Variants in RASGRP1 observed in about 807,000 individuals in gnomAD.
RASGRP1 encodes the protein RAS guanyl releasing protein 1, also known as RAS guanyl-releasing protein 1.
Under a neutral mutation model 95.1 loss-of-function variants are expected in RASGRP1, and 37 were observed. That is an observed-to-expected ratio of 0.39 (90% CI 0.30 to 0.51). The LOEUF is 0.51. Among genes scored for constraint, RASGRP1 ranks in the 20% least tolerant of loss-of-function variants. The pLI is 0.80. For missense variants in RASGRP1, 711 were observed against 965.4 expected, an observed-to-expected ratio of 0.74 and a Z score of 3.49; for synonymous variants, 325 against 353.4, an observed-to-expected ratio of 0.92 and a Z score of 0.90.
intron 2 of RASGRP1, among the ~76,000 whole-genome samples, chr15:38,546,887 T>C (rs904932800): frequency 5.3e-5 from 8 of 152,208 alleles, no homozygotes; most frequent in Admixed American, 1.3e-4. Context: ...CCAGAACATA[T>C]AGGAAGCACT....
In RASGRP1 at chr15:38,524,896, AG is replaced by A. The variant is rs369558190; in HGVS notation, c.326+1402del. On this transcript the variant is annotated intron_variant, in intron 3 of 16. Transcript: ENST00000310803. ...AAGTACGAGGGACCATGGGAAAGGG[AG>A]GGGGGGTCTGCCCCAATATGTAGGC... Among the ~76,000 whole-genome samples, 85 of 151,302 alleles carry A rather than the reference AG, an allele frequency of 5.6e-4. No individual in the cohort carries two copies. The East Asian group carries it at 8.4e-3, about 15-fold the overall frequency.
chr15:38,542,910 T>TATATGTGTATATATACACAC (rs1566933588), intron 2 of RASGRP1, among the ~76,000 whole-genome samples: 7 of 145,502 alleles, frequency 4.8e-5, no homozygotes, highest in Non-Finnish European at 9.0e-5. Flanking sequence ...TATATACACA[T>TATATGTGTATATATACACAC]ATATATGTGT....
chr15:38,535,211 C>G (rs1892597613), intron 2 of RASGRP1, among the ~76,000 whole-genome samples: 1 of 152,164 alleles, frequency 6.6e-6, no homozygotes, highest in South Asian at 2.1e-4. Context: ...GAAGGGCCCT[C>G]TCACTCCCAG....
At chr15:38,563,212 C>T (rs970980245) in intron 1 of RASGRP1, among the ~76,000 whole-genome samples, 3 of 152,094 alleles carry the variant, frequency 2.0e-5, no homozygotes, top group Non-Finnish European at 4.4e-5. Flanking sequence ...TTATAAAATG[C>T]TCTATTATAG....
intron 3 of RASGRP1, among the ~76,000 whole-genome samples, chr15:38,520,113 G>C (rs775136872): frequency 6.6e-6 from 1 of 152,190 alleles, no homozygotes; most frequent in African/African-American, 2.4e-5. Context: ...TCTATTTTAA[G>C]AGTCAAAGAG....
intron 6 of RASGRP1, among the ~76,000 whole-genome samples, chr15:38,515,939 C>T (rs1891759760): frequency 6.7e-6 from 1 of 148,190 alleles, no homozygotes; most frequent in African/African-American, 2.5e-5. Context: ...GATGTGTGCC[C>T]ACAGTATGGT....
chr15:38,503,603 G>A, intron 10 of RASGRP1: 1 of 534,540 alleles, frequency 1.9e-6, no homozygotes, highest in Non-Finnish European at 3.3e-6. Flanking sequence ...ATTATCTGCA[G>A]CTACAGATAA....
intron 10 of RASGRP1, 111 bp from the exon 11 acceptor site, chr15:38,503,487 T>C (rs1891123018): frequency 1.2e-6 from 1 of 868,778 alleles, no homozygotes; most frequent in African/African-American, 1.7e-5. Context: ...TCTTCAATTA[T>C]GTTCAGTGGC....
chr15:38,533,771 A>G (rs1369861829), intron 2 of RASGRP1, among the ~76,000 whole-genome samples: 1 of 152,232 alleles, frequency 6.6e-6, no homozygotes, highest in Non-Finnish European at 1.5e-5. Context: ...GTGAGAATCC[A>G]TTATGGTTGC....
chr15:38,543,166 C>T (rs1473163802), intron 2 of RASGRP1, among the ~76,000 whole-genome samples: 1 of 152,006 alleles, frequency 6.6e-6, no homozygotes, highest in Admixed American at 6.6e-5. Flanking sequence ...ACTTTACATT[C>T]AGGTTAACAT....
In RASGRP1 at chr15:38,494,504, A is replaced by C. The variant is rs765212266; in HGVS notation, c.2137T>G (p.Cys713Gly). 6 of 1,605,680 alleles carry C rather than the reference A, an allele frequency of 3.7e-6. No homozygotes were observed. The highest frequency in any genetic ancestry group is 1.1e-5 in the South Asian group (1 of 89,416). ...TTTCTGACCAAGACTGGGCTAGGAC[A>C]TGGAGAGGTGGGACTGGGAAGCACA... Reference protein sequence around the residue: ...LYVLPSPTSPCPSPVLVRKRA... With the variant: ...LYVLPSPTSPGPSPVLVRKRA... Residue 713 changes from cysteine (C) to glycine (G), a missense_variant, in exon 16 of 17, where the codon TGT becomes GGT. Physicochemically the swap from Cys to Gly is radical, Grantham distance 159. This residue lies in a region of RASGRP1 where 212 missense variants were observed against 247.8 expected (regional missense o/e 0.86). Coordinates refer to ENST00000310803, the MANE Select transcript of RASGRP1 (RefSeq NM_005739.4).
rs141432301 is a variant in RASGRP1 at position 38,510,969 on chromosome 15, AAAG to A, written c.966+632_966+634del. ...CAGAGGAAGACCCTGTTTCTATAAAAAAGAGAAACAAGCAAAACAGCCCTATGT... is the reference window on the plus strand; with the variant it reads ...CAGAGGAAGACCCTGTTTCTATAAAAAGAAACAAGCAAAACAGCCCTATGT... On this transcript the variant is annotated intron_variant, in intron 8 of 16. Transcript: ENST00000310803. Among the ~76,000 whole-genome samples, 9 of 152,338 alleles carry A rather than the reference AAAG, an allele frequency of 5.9e-5. No individual in the cohort carries two copies. In the East Asian group the frequency reaches 1.2e-3, roughly 20 times the overall value.
At chr15:38,529,880 A>G (rs1394317057) in intron 2 of RASGRP1, among the ~76,000 whole-genome samples, 1 of 152,236 alleles carries the variant, frequency 6.6e-6, no homozygotes, top group Non-Finnish European at 1.5e-5. Flanking sequence ...CAGTTTGCAA[A>G]AGAAATTCAA....
intron 2 of RASGRP1, among the ~76,000 whole-genome samples, chr15:38,547,413 C>T (rs1595877757): frequency 6.6e-6 from 1 of 152,118 alleles, no homozygotes; most frequent in Admixed American, 6.6e-5. Flanking sequence ...GGACTTGGTA[C>T]ATCAATGCTC....
rs111461157 is a variant in RASGRP1 at position 38,551,398 on chromosome 15, G to A, written c.220+8423C>T. Among the ~76,000 whole-genome samples, 1,282 of 152,260 alleles carry A rather than the reference G, an allele frequency of 8.4e-3. 15 individuals are homozygous for A. The highest frequency in any genetic ancestry group is 0.029 in the African/African-American group (1,212 of 41,556). ...AAACGGAGGCTCTGAGTTACAAAGC[G>A]ACCAGTCCAAGCGCTGTGGTTTTAA... is the stretch of plus-strand genomic sequence containing the variant. On this transcript the variant is annotated intron_variant, in intron 2 of 16. Transcript: ENST00000310803.
chr15:38,503,583 C>A, intron 10 of RASGRP1: 2 of 573,782 alleles, frequency 3.5e-6, no homozygotes, highest in Non-Finnish European at 6.1e-6. Flanking sequence ...CCAGAGTGCT[C>A]TTCACATACA....
At chr15:38,545,340 G>T (rs1308349062) in intron 2 of RASGRP1, among the ~76,000 whole-genome samples, 5 of 152,150 alleles carry the variant, frequency 3.3e-5, no homozygotes, top group Non-Finnish European at 1.5e-5. Context: ...TGTTTGGTCA[G>T]ATCTTGGTTA....
At chr15:38,513,339 C>G (rs1368751719) in intron 6 of RASGRP1, among the ~76,000 whole-genome samples, 1 of 152,142 alleles carries the variant, frequency 6.6e-6, no homozygotes, top group Non-Finnish European at 1.5e-5. Flanking sequence ...ATTCCCCTGA[C>G]AAAAACAAAT....
At chr15:38,505,774 G>T in intron 10 of RASGRP1, 66 bp downstream of exon 10, 1 of 1,264,556 alleles carries the variant, frequency 7.9e-7, no homozygotes, top group Non-Finnish European at 1.1e-6. Flanking sequence ...TCCTGAGGAT[G>T]AATGAACTCG....
Sources: gnomAD v4.1 joint callset for allele counts (sites outside exome capture counted in the v4.1 genomes callset) on GRCh38, gnomAD v4.1.1 for gene constraint, gnomAD v4.1.1 regional missense constraint, MANE v1.5 for transcripts, NCBI Gene and HGNC (gene_info 2026-07-23, HGNC 2026-07-21) for gene names.